The following SELENON variants were observed in gnomAD, a reference collection of about 807,000 sequenced individuals.
SELENON encodes the protein selenoprotein N.
In SELENON, 44 loss-of-function variants were observed where a neutral mutation model predicts 59.5. That is an observed-to-expected ratio of 0.74 (90% CI 0.58 to 0.95). The LOEUF (loss-of-function observed/expected upper bound fraction) is 0.95, where lower values mean the gene tolerates loss of function less well. Among genes scored for constraint, SELENON ranks in the 40% least tolerant of loss-of-function variants. The pLI, the probability that SELENON is intolerant of heterozygous loss-of-function variation, is 0.00. For missense variants in SELENON, 674 were observed against 721.4 expected (o/e 0.93, Z 0.75); for synonymous variants, 320 against 305.6 (o/e 1.05, Z -0.49).
At position 25,811,756 on chromosome 1, in the gene SELENON, C is replaced by G. The variant is rs372243527; in HGVS notation, c.1158C>G (p.Ile386Met). The change falls in exon 9 of 13, where the codon ATC becomes ATG. Residue 386 changes from isoleucine to methionine, a missense_variant. Physicochemically the swap from Ile to Met is conservative, Grantham distance 10. Transcript: ENST00000361547. ...TCCTGGATGAGGATGGCAGCATGAT[C>G]GACAGCCACCTGCCTTCAGGGGAGC... 6.9e-6 allele frequency: 11 copies of G among 1,598,226 alleles called. No homozygotes were observed. Among genetic ancestry groups the G allele is most frequent in the African/African-American group, 5.3e-5 (4 of 74,786 alleles).
intron 4 of SELENON, among the ~76,000 whole-genome samples, chr1:25,808,050 C>T (rs988940985): frequency 6.6e-6 from 1 of 152,214 alleles, no homozygotes; most frequent in Non-Finnish European, 1.5e-5. Flanking sequence ...CCACCCTCAT[C>T]GGACTTAGCT....
intron 2 of SELENON, chr1:25,801,888 G>C (rs961775894): frequency 5.2e-5 from 10 of 193,678 alleles, no homozygotes; most frequent in Non-Finnish European, 1.1e-4. Flanking sequence ...GCTAGAACTG[G>C]GGCCATCTGG....
chr1:25,810,453 A>G (rs1178683502), intron 7 of SELENON, among the ~76,000 whole-genome samples: 1 of 152,228 alleles, frequency 6.6e-6, no homozygotes, highest in Non-Finnish European at 1.5e-5. Context: ...ACTGATAGCA[A>G]GTGGCCACCG....
rs768088139 is a variant in SELENON at position 25,801,013 on chromosome 1, G to T, written c.184-30G>T. ...GACCAGGAGACCAGGCCGCCAAATG[G>T]TGCCCAGCCCAGTCTCTCCTCCCAA... On this transcript the variant is annotated intron_variant, in intron 1 of 12. Coordinates refer to ENST00000361547, the MANE Select transcript of SELENON (RefSeq NM_020451.3). The T allele has an allele frequency of 7.5e-6, 12 of 1,589,504 alleles. No individual in the cohort carries two copies. In the South Asian group the frequency reaches 1.1e-4, roughly 15 times the overall value.
In SELENON at chr1:25,807,813, G is replaced by A. The variant is rs1334563091; in HGVS notation, c.538-767G>A. ...TGCTGTTCCCCAAATGCTGGCCGACGTGTAGACAGCTCTGTGGTCTCTGAG... is the reference window on the plus strand; with the variant it reads ...TGCTGTTCCCCAAATGCTGGCCGACATGTAGACAGCTCTGTGGTCTCTGAG... On this transcript the variant is annotated intron_variant, in intron 4 of 12. Coordinates refer to ENST00000361547, the MANE Select transcript of SELENON (RefSeq NM_020451.3). This position sits in a 1 kb window ranked among gnomAD's most constrained non-coding sequence, Gnocchi z 4.5. 6.6e-6 allele frequency among the ~76,000 whole-genome samples: 1 copy of A among 152,234 alleles called. No homozygotes were observed. Among genetic ancestry groups the A allele is most frequent in the Admixed American group, 6.5e-5 (1 of 15,286 alleles).
chr1:25,808,279 C>T (rs1385489455), intron 4 of SELENON, among the ~76,000 whole-genome samples: 2 of 145,908 alleles, frequency 1.4e-5, no homozygotes, highest in Non-Finnish European at 3.0e-5. Context: ...CTCGAGCGAG[C>T]TGCTCTGGCC....
chr1:25,809,224 G>A (rs2047937186), intron 6 of SELENON, 74 bp downstream of exon 5: 2 of 1,602,636 alleles, frequency 1.2e-6, no homozygotes, highest in South Asian at 2.2e-5. Context: ...GGAGGGCCCA[G>A]CTTGAGCCCC....
Position 25,812,710 on chromosome 1 carries a change from G to A in SELENON, c.1305G>A (p.Glu435=). Residue 435 remains glutamate, a synonymous_variant, in exon 10 of 13, where the codon GAG becomes GAA. Transcript: ENST00000361547. ...AGGTCTCCTACTTGCCGTTCACTGAGGCCTTCGACCGAGCCAAGGCTGAGA... is the reference window on the plus strand; with the variant it reads ...AGGTCTCCTACTTGCCGTTCACTGAAGCCTTCGACCGAGCCAAGGCTGAGA... 1 of 1,612,546 alleles carries A rather than the reference G, an allele frequency of 6.2e-7. No homozygotes were observed. The highest frequency in any genetic ancestry group is 1.1e-5 in the South Asian group (1 of 90,804).
chr1:25,804,429 AC>A (rs1188151291), intron 3 of SELENON, among the ~76,000 whole-genome samples: 1 of 145,444 alleles, frequency 6.9e-6, no homozygotes, highest in African/African-American at 2.5e-5. Context: ...GGCAAGACCC[AC>A]CCCCGCCCTC....
chr1:25,809,104 G>GCCT lies in SELENON; in HGVS notation c.827_829dup (p.Ala276_Cys277insSer), dbSNP rs797045950. On this transcript the variant is annotated inframe_insertion, in exon 6 of 13. Coordinates refer to ENST00000361547, the MANE Select transcript of SELENON (RefSeq NM_020451.3). ...CCGCTTTGCCCCTCAGGGAGCTGTGGCCTGCCTGACTGCCATCAGCGACTT... is the reference window on the plus strand; with the variant it reads ...CCGCTTTGCCCCTCAGGGAGCTGTGGCCTCCTGCCTGACTGCCATCAGCGACTT... 13 of 1,613,688 alleles carry GCCT rather than the reference G, an allele frequency of 8.1e-6. No individual in the cohort carries two copies. The South Asian group carries it at 1.4e-4, about 18-fold the overall frequency.
chr1:25,813,124 G>A (rs1227727453), intron 10 of SELENON, among the ~76,000 whole-genome samples: 1 of 152,222 alleles, frequency 6.6e-6, no homozygotes, highest in African/African-American at 2.4e-5. Context: ...TGGACATGGA[G>A]GTGAAAGTGC....
intron 4 of SELENON, among the ~76,000 whole-genome samples, chr1:25,808,374 G>A (rs988936478): frequency 1.4e-5 from 2 of 144,782 alleles, no homozygotes; most frequent in African/African-American, 5.3e-5. Context: ...GTGGGCTGCA[G>A]AGGCACTGCA....
chr1:25,801,314 G>A (rs1181757401), intron 2 of SELENON, among the ~76,000 whole-genome samples, 154 bp downstream of exon 2: 1 of 152,168 alleles, frequency 6.6e-6, no homozygotes, highest in Admixed American at 6.5e-5. Flanking sequence ...GGTGGCTTGG[G>A]CGAGCTGCTC....
chr1:25,813,345 C>T lies in SELENON; in HGVS notation c.1388-536C>T, dbSNP rs538923316. On this transcript the variant is annotated intron_variant, in intron 10 of 12. Transcript: ENST00000361547. Reference sequence around the variant, plus strand: ...CAGTGGGCTGGGTGCTTGCGTCCCACAGTGAGGAAGGCAGAAGGGGTCCCT... The same window carrying T: ...CAGTGGGCTGGGTGCTTGCGTCCCATAGTGAGGAAGGCAGAAGGGGTCCCT... 3.3e-5 allele frequency among the ~76,000 whole-genome samples: 5 copies of T among 152,282 alleles called. No individual in the cohort carries two copies. The East Asian group carries it at 5.8e-4, about 18-fold the overall frequency.
chr1:25,803,836 G>A (rs1259582258), intron 3 of SELENON, among the ~76,000 whole-genome samples: 1 of 151,628 alleles, frequency 6.6e-6, no homozygotes, highest in Non-Finnish European at 1.5e-5. Context: ...TAGCTGGGCT[G>A]GGATTACAGG....
intron 7 of SELENON, among the ~76,000 whole-genome samples, chr1:25,810,792 C>T (rs2047951278): frequency 6.6e-6 from 1 of 152,200 alleles, no homozygotes; most frequent in Non-Finnish European, 1.5e-5. Flanking sequence ...CCTCCATCTG[C>T]TCACCTAGGG....
Position 25,815,636 on chromosome 1 carries a change from C to T in SELENON, c.1691C>T (p.Thr564Ile), listed in dbSNP as rs1418349436. Residue 564 changes from threonine (T) to isoleucine (I), a missense_variant, in exon 13 of 13, where the codon ACC (threonine) becomes ATC (isoleucine). Physicochemically the swap from Thr to Ile is moderately conservative, Grantham distance 89. Transcript: ENST00000361547. ...AGCAATCTCTTCAGCTTCTCATCCACCTTTGAAGACCCGTCCACGGCCACC... is the reference window on the plus strand; with the variant it reads ...AGCAATCTCTTCAGCTTCTCATCCATCTTTGAAGACCCGTCCACGGCCACC... 5.0e-6 allele frequency: 8 copies of T among 1,614,080 alleles called. No homozygotes were observed. The highest frequency in any genetic ancestry group is 3.3e-5 in the Admixed American group (2 of 60,008).
chr1:25,806,169 G>A (rs1024211680), intron 4 of SELENON, among the ~76,000 whole-genome samples: 17 of 152,246 alleles, frequency 1.1e-4, no homozygotes, highest in Admixed American at 9.8e-4. Context: ...TGGTCACTGA[G>A]GCCAGGCAGT....
intron 9 of SELENON, 23 bp from the exon 9 acceptor site, chr1:25,812,664 G>T: frequency 6.3e-7 from 1 of 1,590,458 alleles, no homozygotes; most frequent in Non-Finnish European, 8.6e-7. Context: ...TGATGGCTTC[G>T]CTCTGTCTCG....
Sources: allele counts gnomAD v4.1 joint callset (sites outside exome capture counted in the v4.1 genomes callset), GRCh38; gene constraint gnomAD v4.1.1; non-coding constraint Gnocchi (gnomAD v3.1); transcripts MANE v1.5; gene names NCBI Gene and HGNC (gene_info 2026-07-23, HGNC 2026-07-21).